Variants in TBX15 observed in about 807,000 individuals in gnomAD.
TBX15 encodes T-box transcription factor TBX15.
A neutral mutation model predicts 53.9 loss-of-function variants in TBX15; 18 were observed. That is an observed-to-expected ratio of 0.33 (90% CI 0.23 to 0.49). The LOEUF is 0.49. Among genes scored for constraint, TBX15 ranks in the 20% least tolerant of loss-of-function variants. The pLI is 0.98. For missense variants in TBX15, 692 were observed against 749.5 expected (o/e 0.92, Z 0.90); for synonymous variants, 295 against 278.0 (o/e 1.06, Z -0.61).
chr1:118,909,264 T>C (rs1571164880), intron 6 of TBX15, among the ~76,000 whole-genome samples: 1 of 152,198 alleles, frequency 6.6e-6, no homozygotes, highest in African/African-American at 2.4e-5. Flanking sequence ...ATTTTTACTA[T>C]AGATAAAGGT....
chr1:118,906,359 C>A (rs1436500274), intron 6 of TBX15, among the ~76,000 whole-genome samples: 1 of 152,132 alleles, frequency 6.6e-6, no homozygotes, highest in African/African-American at 2.4e-5. Flanking sequence ...CCCCCAATGA[C>A]AAGTTGTTTC....
intron 3 of TBX15, 57 bp from the exon 4 acceptor site, chr1:118,924,874 G>A: frequency 6.3e-7 from 1 of 1,598,696 alleles, no homozygotes; most frequent in Non-Finnish European, 8.6e-7. Flanking sequence ...AGGGACAGAG[G>A]CCCAGGAAAC....
chr1:118,887,429 C>G (rs1315287090), intron 7 of TBX15, among the ~76,000 whole-genome samples: 1 of 152,176 alleles, frequency 6.6e-6, no homozygotes, highest in African/African-American at 2.4e-5. Flanking sequence ...AATCCTAGCA[C>G]TTTGGGAGGC....
chr1:118,955,239 A>T (rs1454893160), intron 1 of TBX15, among the ~76,000 whole-genome samples: 1 of 135,362 alleles, frequency 7.4e-6, no homozygotes, highest in Non-Finnish European at 1.6e-5. Flanking sequence ...AATATGAACA[A>T]TGTGATTAAA....
intron 5 of TBX15, among the ~76,000 whole-genome samples, chr1:118,918,775 G>C (rs997922238): frequency 6.6e-6 from 1 of 152,064 alleles, no homozygotes; most frequent in African/African-American, 2.4e-5. Flanking sequence ...TAATAAATGA[G>C]GTATACTTCA....
At chr1:118,954,762 G>T (rs965093080) in intron 1 of TBX15, among the ~76,000 whole-genome samples, 2 of 152,176 alleles carry the variant, frequency 1.3e-5, no homozygotes, top group African/African-American at 4.8e-5. Flanking sequence ...AACTCAACCC[G>T]ATATTCATTC....
At chr1:118,933,666 T>G (rs541573474) in intron 1 of TBX15, among the ~76,000 whole-genome samples, 2 of 152,126 alleles carry the variant, frequency 1.3e-5, no homozygotes, top group Non-Finnish European at 2.9e-5. Context: ...AGAGCCATTA[T>G]ATCATCACAC....
chr1:118,972,965 T>C (rs1442905877), intron 1 of TBX15, among the ~76,000 whole-genome samples: 1 of 152,160 alleles, frequency 6.6e-6, no homozygotes, highest in Non-Finnish European at 1.5e-5. Context: ...AGTATAATTA[T>C]GAGCAAGGTA....
intron 3 of TBX15, among the ~76,000 whole-genome samples, chr1:118,925,301 G>A (rs1655557416): frequency 6.6e-6 from 1 of 152,172 alleles, no homozygotes; most frequent in African/African-American, 2.4e-5. Context: ...ATAAAATGCA[G>A]CCATGTGCAG....
intron 7 of TBX15, chr1:118,891,032 A>G: frequency 1.0e-6 from 1 of 973,156 alleles, no homozygotes; most frequent in Middle Eastern, 3.2e-4. Context: ...AAACCCAGAG[A>G]TCGTAAAGTT....
intron 1 of TBX15, among the ~76,000 whole-genome samples, chr1:118,932,652 G>A (rs1232023295): frequency 6.6e-6 from 1 of 152,138 alleles, no homozygotes; most frequent in African/African-American, 2.4e-5. Context: ...TGGCATGCTG[G>A]TCCAGATGGT....
intron 3 of TBX15, among the ~76,000 whole-genome samples, chr1:118,925,799 G>C (rs1202817200): frequency 6.6e-6 from 1 of 152,026 alleles, no homozygotes; most frequent in Non-Finnish European, 1.5e-5. Context: ...ATCAGCTCTT[G>C]CCTCCCTATT....
At chr1:118,921,068 AGT>A (rs10535421) in intron 5 of TBX15, among the ~76,000 whole-genome samples, 100,804 of 151,636 alleles carry the variant, frequency 0.66, 33,852 homozygotes, top group East Asian at 0.79. Context: ...TCCCAGCTAC[AGT>A]CAGAAAGCTG....
chr1:118,972,316 T>A (rs1432368117), intron 1 of TBX15, among the ~76,000 whole-genome samples: 2 of 152,230 alleles, frequency 1.3e-5, no homozygotes, highest in Non-Finnish European at 2.9e-5. Flanking sequence ...ATCATGTCAA[T>A]TAACATTTAT....
intron 2 of TBX15, among the ~76,000 whole-genome samples, chr1:118,930,941 T>C (rs1440209119): frequency 2.0e-5 from 3 of 152,338 alleles, no homozygotes; most frequent in East Asian, 1.9e-4. Flanking sequence ...CCTCATAGGG[T>C]TCCTGTAAGT....
chr1:118,943,129 G>A (rs147380059), intron 1 of TBX15, among the ~76,000 whole-genome samples: 48 of 152,250 alleles, frequency 3.2e-4, no homozygotes, highest in African/African-American at 1.0e-3. Flanking sequence ...AGCCCCTGGC[G>A]CACAATAGGA....
intron 6 of TBX15, among the ~76,000 whole-genome samples, chr1:118,900,309 G>C (rs532292322): frequency 1.3e-5 from 2 of 152,286 alleles, no homozygotes; most frequent in South Asian, 4.1e-4. Flanking sequence ...TGCTGCCTGT[G>C]TTTCTTTCTT....
intron 5 of TBX15, among the ~76,000 whole-genome samples, chr1:118,915,028 G>T (rs1246006276): frequency 6.6e-6 from 1 of 152,168 alleles, no homozygotes. Context: ...TGCCATGGTT[G>T]TATATATTGC....
At chr1:118,927,154 C>T (rs1051042216) in intron 2 of TBX15, among the ~76,000 whole-genome samples, 13 of 152,126 alleles carry the variant, frequency 8.5e-5, no homozygotes, top group African/African-American at 3.1e-4. Flanking sequence ...TACTACTGAA[C>T]TACTATCTCT....
Sources: allele counts gnomAD v4.1 joint callset (sites outside exome capture counted in the v4.1 genomes callset), GRCh38; gene constraint gnomAD v4.1.1; transcripts MANE v1.5; gene names NCBI Gene and HGNC (gene_info 2026-07-23, HGNC 2026-07-21).